Variants in FAT3 observed in about 807,000 individuals in gnomAD.
The protein encoded by FAT3 is FAT atypical cadherin 3, also known as protocadherin Fat 3.
In FAT3, 95 loss-of-function variants were observed where a neutral mutation model predicts 310.2. The ratio of observed to expected loss-of-function variants is 0.31; its 90% CI spans 0.26 to 0.36. The LOEUF (loss-of-function observed/expected upper bound fraction) is 0.36. Ranked by LOEUF, FAT3 falls within the 10% of genes least tolerant of loss-of-function variation. The pLI is 1.00. For synonymous variants in FAT3, 2,314 were observed against 2,192.9 expected (o/e 1.06, Z -1.54); for missense variants, 5,408 against 5,715.6 (o/e 0.95, Z 1.74).
chr11:92,530,772 TTTG>T (rs1406593838), intron 3 of FAT3, among the ~76,000 whole-genome samples: 2 of 152,148 alleles, frequency 1.3e-5, no homozygotes, highest in Non-Finnish European at 2.9e-5. Context: ...TCAAAAATAA[TTTG>T]TTATCTTAGG....
At chr11:92,235,760 G>A (rs1222223063) in intron 1 of FAT3, among the ~76,000 whole-genome samples, 4 of 152,182 alleles carry the variant, frequency 2.6e-5, no homozygotes, top group African/African-American at 9.7e-5. Flanking sequence ...AAATACACAT[G>A]CTCTTTATTG....
At chr11:92,712,565 T>C (rs1944557418) in intron 4 of FAT3, among the ~76,000 whole-genome samples, 1 of 150,050 alleles carries the variant, frequency 6.7e-6, no homozygotes, top group South Asian at 2.1e-4. Flanking sequence ...CTTATTAGAC[T>C]CTAAGTAAAT....
chr11:92,243,682 C>G (rs557392146), intron 1 of FAT3, among the ~76,000 whole-genome samples: 10 of 152,132 alleles, frequency 6.6e-5, no homozygotes, highest in African/African-American at 2.4e-4. Flanking sequence ...TTAGAGTTCT[C>G]CCTGGATCCT....
chr11:92,824,157 G>A (rs918363989), intron 13 of FAT3, among the ~76,000 whole-genome samples: 2 of 152,104 alleles, frequency 1.3e-5, no homozygotes, highest in Non-Finnish European at 2.9e-5. Flanking sequence ...AGGAGTTTGA[G>A]ACCAGCCTGG....
chr11:92,463,014 A>C (rs529982188), intron 2 of FAT3, among the ~76,000 whole-genome samples: 129 of 152,340 alleles, frequency 8.5e-4, no homozygotes, highest in Non-Finnish European at 1.4e-3. Context: ...GCAAAGAAAC[A>C]AGATGCACAA....
chr11:92,479,704 C>G lies in FAT3; in HGVS notation c.3293-44930C>G, dbSNP rs527817636. Among the ~76,000 whole-genome samples the G allele has an allele frequency of 2.6e-4, 39 of 152,264 alleles. 1 individual carries two copies. In the South Asian group the frequency reaches 7.7e-3, roughly 30 times the overall value. Reference sequence around the variant, plus strand: ...CCTCCTGCAAAATTATTCAAACAAGCCAATCACATTGTCTCATGAGAACCA... The same window carrying G: ...CCTCCTGCAAAATTATTCAAACAAGGCAATCACATTGTCTCATGAGAACCA... On this transcript the variant is annotated intron_variant, in intron 2 of 27. Transcript: ENST00000525166.
chr11:92,505,751 T>C (rs969841351), intron 2 of FAT3, among the ~76,000 whole-genome samples: 1 of 152,172 alleles, frequency 6.6e-6, no homozygotes, highest in Non-Finnish European at 1.5e-5. Context: ...TAAATGATAA[T>C]AATTCTCTGC....
chr11:92,461,331 C>A (rs1951633061), intron 2 of FAT3, among the ~76,000 whole-genome samples: 1 of 152,100 alleles, frequency 6.6e-6, no homozygotes, highest in Non-Finnish European at 1.5e-5. Context: ...CTGAATCAGG[C>A]ATAGCCTTCA....
intron 3 of FAT3, among the ~76,000 whole-genome samples, chr11:92,581,455 T>C (rs1017984467): frequency 2.0e-5 from 3 of 152,070 alleles, no homozygotes; most frequent in African/African-American, 7.2e-5. Flanking sequence ...CTCTCATTTT[T>C]TTTGTAACAG....
chr11:92,742,671 A>G (rs1591672098), intron 4 of FAT3, among the ~76,000 whole-genome samples: 1 of 152,136 alleles, frequency 6.6e-6, no homozygotes, highest in East Asian at 1.9e-4. Flanking sequence ...TTGTCCTTCC[A>G]CCTTCCACCA....
At chr11:92,801,968 T>C in intron 10 of FAT3, 59 bp downstream of exon 10, 1 of 1,490,998 alleles carries the variant, frequency 6.7e-7, no homozygotes, top group Non-Finnish European at 9.2e-7. Context: ...AGATGGAAGA[T>C]GGCGGGGAGA....
At chr11:92,392,978 C>CTAGG (rs1444356297) in intron 2 of FAT3, among the ~76,000 whole-genome samples, 1 of 152,066 alleles carries the variant, frequency 6.6e-6, no homozygotes, top group Non-Finnish European at 1.5e-5. Context: ...GTAGGAGGAA[C>CTAGG]TAGGGGCAGT....
At position 92,799,372 on chromosome 11, in the gene FAT3, C is replaced by A. The variant is rs1450726327; in HGVS notation, c.6359C>A (p.Thr2120Asn). 1 of 1,613,820 alleles carries A rather than the reference C, an allele frequency of 6.2e-7. No homozygotes were observed. Among genetic ancestry groups the A allele is most frequent in the Admixed American group, 1.7e-5 (1 of 59,988 alleles). Residue 2120 changes from threonine to asparagine, a missense_variant, in exon 10 of 28, where the codon ACC becomes AAC. By Grantham distance (65) the Thr-to-Asn change is moderately conservative. Coordinates refer to ENST00000525166, the MANE Select transcript of FAT3 (RefSeq NM_001367949.2). ...DKDKGPNGEV[T>N]YVLQDDYGHF... Reference sequence around the variant, plus strand: ...GATAAAGGTCCAAATGGAGAAGTGACCTATGTCCTGCAGGATGACTATGGC... The same window carrying A: ...GATAAAGGTCCAAATGGAGAAGTGAACTATGTCCTGCAGGATGACTATGGC...
chr11:92,625,084 C>T (rs1941265549), intron 3 of FAT3, among the ~76,000 whole-genome samples: 1 of 152,160 alleles, frequency 6.6e-6, no homozygotes, highest in African/African-American at 2.4e-5. Flanking sequence ...TTTAACCCAT[C>T]ATGGTGGGTG....
rs532448438 is a variant in FAT3 at position 92,789,185 on chromosome 11, C to T, written c.4336-758C>T. On this transcript the variant is annotated intron_variant, in intron 7 of 27. Transcript: ENST00000525166. ...AGTTCTGTCTTTTAAAGATGCATAC[C>T]GAAATTACATGATGGGTGGGATTTG... is the stretch of plus-strand genomic sequence containing the variant. 1.1e-4 allele frequency among the ~76,000 whole-genome samples: 17 copies of T among 152,004 alleles called. No individual in the cohort carries two copies. The South Asian group carries it at 2.1e-3, about 19-fold the overall frequency.
intron 13 of FAT3, among the ~76,000 whole-genome samples, chr11:92,829,140 T>C (rs1302995665): frequency 2.0e-5 from 3 of 152,288 alleles, no homozygotes; most frequent in African/African-American, 4.8e-5. Flanking sequence ...CCTAAGGAGA[T>C]TGGGCAAAGA....
chr11:92,748,654 G>A (rs971244175), intron 4 of FAT3: 18 of 152,162 alleles, frequency 1.2e-4, no homozygotes, highest in African/African-American at 4.3e-4. Context: ...ATGTGTTGAA[G>A]CATCACAGAA....
chr11:92,808,229 T>C (rs1380252131), intron 12 of FAT3, among the ~76,000 whole-genome samples: 1 of 152,116 alleles, frequency 6.6e-6, no homozygotes, highest in Non-Finnish European at 1.5e-5. Flanking sequence ...GACAGGCAAG[T>C]TAACCAATAA....
chr11:92,725,794 C>A (rs1441217882), intron 4 of FAT3, among the ~76,000 whole-genome samples: 1 of 152,112 alleles, frequency 6.6e-6, no homozygotes, highest in African/African-American at 2.4e-5. Context: ...CTATAATCCT[C>A]TTTATATAGA....
Sources: allele counts gnomAD v4.1 joint callset (sites outside exome capture counted in the v4.1 genomes callset), GRCh38; gene constraint gnomAD v4.1.1; transcripts MANE v1.5; gene names NCBI Gene and HGNC (gene_info 2026-07-23, HGNC 2026-07-21).